IGSF10: variants seen among roughly 807,000 people sequenced by gnomAD.
IGSF10 encodes the protein calvaria mechanical force protein 608.
IGSF10 carries 126 observed loss-of-function variants against 128.2 expected under a neutral mutation model. The ratio of observed to expected loss-of-function variants is 0.98; its 90% CI spans 0.85 to 1.14. The LOEUF is 1.14. Ranked by LOEUF, IGSF10 falls within the 50% of genes most tolerant of loss-of-function variation. The pLI is 0.00. For synonymous variants in IGSF10, 1,185 were observed against 1,146.2 expected (o/e 1.03, Z -0.68); for missense variants, 3,295 against 3,149.8 (o/e 1.05, Z -1.10).
At chr3:151,528,402 G>A in the IGSF10 span, among the ~76,000 whole-genome samples, 5 of 152,202 alleles carry the variant, frequency 3.3e-5, no homozygotes, top group Non-Finnish European at 7.3e-5. Flanking sequence ...AGGTATGGGG[G>A]ACTTGCTGGC....
the IGSF10 span, among the ~76,000 whole-genome samples, chr3:151,545,946 G>A: frequency 4.0e-5 from 6 of 151,650 alleles, no homozygotes; most frequent in African/African-American, 9.7e-5. Context: ...AATGTTGCTC[G>A]CAGCAGATGA....
At chr3:151,490,581 T>A in the IGSF10 span, among the ~76,000 whole-genome samples, 1 of 152,084 alleles carries the variant, frequency 6.6e-6, no homozygotes, top group Admixed American at 6.6e-5. Flanking sequence ...TACTTTTTTC[T>A]CTAGCATTCA....
upstream of IGSF10, among the ~76,000 whole-genome samples, chr3:151,465,026 G>A (rs1722232013): frequency 6.6e-6 from 1 of 152,138 alleles, no homozygotes; most frequent in African/African-American, 2.4e-5. Flanking sequence ...CAAATGCATG[G>A]TCCTCTTATA....
Position 151,437,355 on chromosome 3 carries a change from A to AGTT in IGSF10, c.7203_7205dup (p.Thr2402dup), listed in dbSNP as rs746536968. 1.9e-6 allele frequency: 3 copies of AGTT among 1,614,014 alleles called. No homozygotes were observed. Among genetic ancestry groups the AGTT allele is most frequent in the South Asian group, 2.2e-5 (2 of 91,084 alleles). Reference sequence around the variant, plus strand: ...AGCGATATTTTCCTGCATCCTCCCGAGTTGTTTTAGAAATGATAAAAGAAC... The same window carrying AGTT: ...AGCGATATTTTCCTGCATCCTCCCGAGTTGTTGTTTTAGAAATGATAAAAGAAC... On this transcript the variant is annotated inframe_insertion, in exon 8 of 8. Coordinates refer to ENST00000282466, the MANE Select transcript of IGSF10 (RefSeq NM_178822.5).
Position 151,437,121 on chromosome 3 carries a change from ATTAAT to A in IGSF10, c.7435_7439del (p.Ile2479TrpfsTer7), listed in dbSNP as rs1192809290. 4 of 1,614,004 alleles carry A rather than the reference ATTAAT, an allele frequency of 2.5e-6. No individual in the cohort carries two copies. The African/African-American group carries it at 4.0e-5, about 16-fold the overall frequency. ...CATTGTCATGCAATATGTATTTCCCATTAATTTGAGGCCTGTCTACTACATAACCA... is the reference window on the plus strand; with the variant it reads ...CATTGTCATGCAATATGTATTTCCCATTGAGGCCTGTCTACTACATAACCA... On this transcript the variant is annotated frameshift_variant, in exon 8 of 8. Transcript: ENST00000282466. LOFTEE classifies it low-confidence loss of function (END_TRUNC).
the IGSF10 span, among the ~76,000 whole-genome samples, chr3:151,528,966 C>T: frequency 1.3e-5 from 2 of 152,132 alleles, no homozygotes; most frequent in East Asian, 1.9e-4. Flanking sequence ...GTGAAATTCT[C>T]ATACCAGCAC....
chr3:151,615,246 A>AT, the IGSF10 span, among the ~76,000 whole-genome samples: 1 of 152,260 alleles, frequency 6.6e-6, no homozygotes, highest in African/African-American at 2.4e-5. Flanking sequence ...AGTTATAGCT[A>AT]TGAAAAGTAA....
the IGSF10 span, among the ~76,000 whole-genome samples, chr3:151,589,572 G>A: frequency 1.3e-5 from 2 of 152,200 alleles, no homozygotes; most frequent in Non-Finnish European, 2.9e-5. Flanking sequence ...TTTGGCCACA[G>A]AAGAAGGATT....
the IGSF10 span, among the ~76,000 whole-genome samples, chr3:151,551,107 T>G: frequency 6.6e-6 from 1 of 152,128 alleles, no homozygotes; most frequent in Non-Finnish European, 1.5e-5. Flanking sequence ...CCAAGCAAAC[T>G]CAGACCATAC....
At chr3:151,559,693 G>A in the IGSF10 span, among the ~76,000 whole-genome samples, 6 of 152,154 alleles carry the variant, frequency 3.9e-5, no homozygotes, top group African/African-American at 1.4e-4. Flanking sequence ...GAGCGTTGGA[G>A]AGGAGTAGAG....
rs148933886 is a variant in IGSF10 at position 151,445,904 on chromosome 3, G to A, written c.4077C>T (p.Asn1359=). ...EPQKKNRTDP[N]ISPDQSSGFT... ...AGCCAGAACTCTGGTCTGGAGAGAT[G>A]TTTGGGTCAGTCCTGTTCTTCTTTT... The change falls in exon 6 of 8, where the codon AAC becomes AAT. Residue 1359 remains asparagine, a synonymous_variant. Coordinates refer to ENST00000282466, the MANE Select transcript of IGSF10 (RefSeq NM_178822.5). 2 of 1,614,062 alleles carry A rather than the reference G, an allele frequency of 1.2e-6. No homozygotes were observed. The highest frequency in any genetic ancestry group is 2.2e-5 in the East Asian group (1 of 44,892).
Position 151,447,240 on chromosome 3 carries a change from TCTCTTC to T in IGSF10, c.2735_2740del (p.Gly912_Arg913del). On this transcript the variant is annotated inframe_deletion, in exon 6 of 8. Transcript: ENST00000282466. The stretch of plus-strand genomic sequence containing the variant: ...TATTGGGGGTCTACTTTGGAAATGC[TCTCTTC>T]CTCTTCCCATCTGGTCAGAGTCCTG... 2 of 1,614,250 alleles carry T rather than the reference TCTCTTC, an allele frequency of 1.2e-6. No individual in the cohort carries two copies. Among genetic ancestry groups the T allele is most frequent in the South Asian group, 1.1e-5 (1 of 91,088 alleles).
the IGSF10 span, among the ~76,000 whole-genome samples, chr3:151,501,241 C>T: frequency 2.0e-5 from 3 of 151,870 alleles, no homozygotes; most frequent in East Asian, 5.8e-4. Flanking sequence ...CTCAAGCTTC[C>T]CTGTCTTCCG....
the IGSF10 span, among the ~76,000 whole-genome samples, chr3:151,525,511 G>C: frequency 1.4e-5 from 1 of 73,598 alleles, no homozygotes; most frequent in Non-Finnish European, 3.7e-5. Flanking sequence ...CCAGTAGTCT[G>C]TACTCTATTA....
At chr3:151,598,428 T>A in the IGSF10 span, among the ~76,000 whole-genome samples, 1 of 152,216 alleles carries the variant, frequency 6.6e-6, no homozygotes, top group South Asian at 2.1e-4. Context: ...GTTTGCTTAA[T>A]TATTTGACCC....
intron 7 of IGSF10, among the ~76,000 whole-genome samples, chr3:151,442,404 A>G (rs569190251): frequency 2.1e-4 from 24 of 114,612 alleles, no homozygotes; most frequent in Non-Finnish European, 4.0e-4. Flanking sequence ...TTTTGAGACA[A>G]AGTCTCACTC....
chr3:151,454,665 T>C (rs1721692064), intron 4 of IGSF10, among the ~76,000 whole-genome samples: 1 of 152,132 alleles, frequency 6.6e-6, no homozygotes, highest in Admixed American at 6.6e-5. Context: ...GACTATTGAT[T>C]TTAATTTATT....
chr3:151,475,880 T>G, the IGSF10 span: 1 of 162,676 alleles, frequency 6.1e-6, no homozygotes, highest in Non-Finnish European at 1.4e-5. Flanking sequence ...TAATCTGGTT[T>G]TCAGCCCTAG....
the IGSF10 span, among the ~76,000 whole-genome samples, chr3:151,571,933 G>T: frequency 6.6e-6 from 1 of 152,162 alleles, no homozygotes; most frequent in African/African-American, 2.4e-5. Flanking sequence ...AGCATGAAGG[G>T]CTGTTGAATT....
Sources: allele counts gnomAD v4.1 joint callset (sites outside exome capture counted in the v4.1 genomes callset), GRCh38; gene constraint gnomAD v4.1.1; transcripts MANE v1.5; gene names NCBI Gene and HGNC (gene_info 2026-07-23, HGNC 2026-07-21).